OLFML2A: variants seen among roughly 807,000 people sequenced by gnomAD.
OLFML2A encodes olfactomedin like 2A, also known as olfactomedin-like protein 2A.
In OLFML2A, 47 loss-of-function variants were observed where a neutral mutation model predicts 60.9. That is an observed-to-expected ratio of 0.77 (90% CI 0.61 to 0.98). OLFML2A has a LOEUF of 0.98. Among genes scored for constraint, OLFML2A ranks in the 50% least tolerant of loss-of-function variants. The pLI is 0.00. For synonymous variants in OLFML2A, 372 were observed against 375.0 expected (o/e 0.99, Z 0.09); for missense variants, 922 against 879.8 (o/e 1.05, Z -0.61).
At position 124,777,361 on chromosome 9, in the gene OLFML2A, G is replaced by C; in HGVS notation, c.90+1G>C. 1 of 1,279,522 alleles carries C rather than the reference G, an allele frequency of 7.8e-7. No individual in the cohort carries two copies. The highest frequency in any genetic ancestry group is 9.9e-7 in the Non-Finnish European group (1 of 1,009,104). The allele number at this position is 1,279,522 out of a possible 1,614,324, so 79.3% of individuals were successfully genotyped here. A position where few individuals can be genotyped will look rare whatever the true frequency, so the allele number is the denominator to read the frequency against. On this transcript the variant is annotated splice_donor_variant, in intron 1 of 7. Transcript: ENST00000373580. LOFTEE classifies it high-confidence loss of function. This position sits in a 1 kb window ranked among gnomAD's most constrained non-coding sequence, Gnocchi z 6.2. ...CCGCCCCACGCGCGCCGACAGTAAG[G>C]TACGCACGCCCCTCGGACCCGCGCG...
intron 5 of OLFML2A, among the ~76,000 whole-genome samples, chr9:124,803,482 CT>C (rs1434141500): frequency 6.6e-6 from 1 of 152,134 alleles, no homozygotes; most frequent in Non-Finnish European, 1.5e-5. Context: ...CCAGGCTGGT[CT>C]TGAACTCCTG....
chr9:124,777,197 G>T lies in OLFML2A; in HGVS notation c.-74G>T. 2.0e-6 allele frequency: 1 copy of T among 510,128 alleles called. No individual in the cohort carries two copies. The highest frequency in any genetic ancestry group is 9.7e-5 in the South Asian group (1 of 10,354). The allele number at this position is 510,128 out of a possible 1,614,324, so 31.6% of individuals were successfully genotyped here. On this transcript the variant is annotated 5_prime_UTR_variant, in exon 1 of 8. Coordinates refer to ENST00000373580, the MANE Select transcript of OLFML2A (RefSeq NM_182487.4). This position sits in a 1 kb window ranked among gnomAD's most constrained non-coding sequence, Gnocchi z 6.2. ...CGGGGCAGGCAGAGCGGGCGAAGGC[G>T]CGGAGCTCGCAGTGCAGCCCGCGCT...
At position 124,812,162 on chromosome 9, in the gene OLFML2A, CTTT is replaced by C. The variant is rs111369507; in HGVS notation, c.*1763_*1765del. On this transcript the variant is annotated 3_prime_UTR_variant, in exon 8 of 8. Coordinates refer to ENST00000373580, the MANE Select transcript of OLFML2A (RefSeq NM_182487.4). ...AGAGTGTAAGAGTGTAAAGAAATGC[CTTT>C]TTTTTTTTTTTTGAGTTGGAGTTTT... The C allele has an allele frequency of 4.3e-5, 6 of 140,132 alleles. No homozygotes were observed. Among genetic ancestry groups the C allele is most frequent in the Admixed American group, 7.2e-5 (1 of 13,870 alleles). The allele number at this position is 140,132 out of a possible 1,614,324, so 8.7% of individuals were successfully genotyped here. A position where few individuals can be genotyped will look rare whatever the true frequency, so the allele number is the denominator to read the frequency against.
In OLFML2A at chr9:124,799,496, G is replaced by C; in HGVS notation, c.669+5G>C. ...GGCACTGGTAGCAAGGCCCAGGTGAGGCCCCAGCTCTGATCATGGGGCCGG... is the reference window on the plus strand; with the variant it reads ...GGCACTGGTAGCAAGGCCCAGGTGACGCCCCAGCTCTGATCATGGGGCCGG... On this transcript the variant is annotated splice_donor_5th_base_variant and intron_variant, in intron 4 of 7. Transcript: ENST00000373580. 6.3e-7 allele frequency: 1 copy of C among 1,580,170 alleles called. No homozygotes were observed. The highest frequency in any genetic ancestry group is 1.1e-5 in the South Asian group (1 of 87,112).
intron 1 of OLFML2A, among the ~76,000 whole-genome samples, chr9:124,786,220 C>G (rs1182657910): frequency 6.6e-6 from 1 of 152,100 alleles, no homozygotes; most frequent in Non-Finnish European, 1.5e-5. Context: ...CCCAGGAATT[C>G]AAGACTAGCC....
intron 2 of OLFML2A, among the ~76,000 whole-genome samples, chr9:124,794,331 G>A (rs995040048): frequency 4.6e-5 from 7 of 152,230 alleles, no homozygotes; most frequent in African/African-American, 1.4e-4. Context: ...AGTCACAGAT[G>A]CAGGCACATG....
At position 124,784,206 on chromosome 9, in the gene OLFML2A, T is replaced by C. The variant is rs557179164; in HGVS notation, c.91-2769T>C. ...GGTAGTTTTTTTCTTTTTTTTTTTT[T>C]CTTTTTTGTCTGAGACAGACAGAGT... On this transcript the variant is annotated intron_variant, in intron 1 of 7. Transcript: ENST00000373580. Among the ~76,000 whole-genome samples, 446 of 151,904 alleles carry C rather than the reference T, an allele frequency of 2.9e-3. 2 individuals carry two copies. The highest frequency in any genetic ancestry group is 0.01 in the African/African-American group (424 of 41,480).
rs1426375699 is a variant in OLFML2A at position 124,811,632 on chromosome 9, A to G, written c.*1220A>G. 1 of 152,214 alleles carries G rather than the reference A, an allele frequency of 6.6e-6. No homozygotes were observed. Among genetic ancestry groups the G allele is most frequent in the African/African-American group, 2.4e-5 (1 of 41,398 alleles). The allele number at this position is 152,214 out of a possible 1,614,324, so 9.4% of individuals were successfully genotyped here. ...AACCAGAGGGTGGGAACGGGGAGGG[A>G]AGAACTGAGGGTCTGCAGACTGGAC... is the stretch of plus-strand genomic sequence containing the variant. On this transcript the variant is annotated 3_prime_UTR_variant, in exon 8 of 8. Transcript: ENST00000373580.
intron 3 of OLFML2A, among the ~76,000 whole-genome samples, chr9:124,797,035 A>C (rs1841681860): frequency 6.6e-6 from 1 of 152,046 alleles, no homozygotes. Context: ...ACAGGGTCTC[A>C]CTCTGTAGGC....
chr9:124,806,999 A>G (rs1407375472), intron 6 of OLFML2A, among the ~76,000 whole-genome samples: 1 of 151,592 alleles, frequency 6.6e-6, no homozygotes, highest in Non-Finnish European at 1.5e-5. Flanking sequence ...CTGCAGCCTC[A>G]ATATCCCAGG....
At chr9:124,795,479 T>G (rs1841651802) in intron 3 of OLFML2A, among the ~76,000 whole-genome samples, 1 of 152,226 alleles carries the variant, frequency 6.6e-6, no homozygotes, top group Non-Finnish European at 1.5e-5. Flanking sequence ...CCTTGGTGGC[T>G]GGGCATGGTG....
intron 4 of OLFML2A, 48 bp downstream of exon 4, chr9:124,799,539 A>G (rs1216671751): frequency 6.8e-7 from 1 of 1,467,658 alleles, no homozygotes; most frequent in Non-Finnish European, 9.3e-7. Flanking sequence ...TGAACTTGGG[A>G]GCTCAGTGTG....
intron 6 of OLFML2A, 51 bp from the exon 7 acceptor site, chr9:124,807,730 T>C: frequency 6.8e-7 from 1 of 1,464,606 alleles, no homozygotes; most frequent in African/African-American, 1.4e-5. Context: ...TTGCTCTGGC[T>C]GGGGGGCTTG....
intron 2 of OLFML2A, among the ~76,000 whole-genome samples, chr9:124,792,750 T>G (rs1386108702): frequency 2.6e-5 from 4 of 152,230 alleles, no homozygotes; most frequent in African/African-American, 9.6e-5. Context: ...TCAGTGCTGC[T>G]GGGCTTCATG....
Position 124,794,909 on chromosome 9 carries a change from A to G in OLFML2A, c.355-115A>G. ...AGTGCTGGGATTACAGGCGTGAGCCACAGCGCCTGGCCCAGGTTCTGGAGT... is the reference window on the plus strand; with the variant it reads ...AGTGCTGGGATTACAGGCGTGAGCCGCAGCGCCTGGCCCAGGTTCTGGAGT... On this transcript the variant is annotated intron_variant, in intron 2 of 7. Coordinates refer to ENST00000373580, the MANE Select transcript of OLFML2A (RefSeq NM_182487.4). The G allele has an allele frequency of 6.4e-6, 4 of 624,540 alleles. 1 individual carries two copies. The South Asian group carries it at 8.1e-5, about 13-fold the overall frequency. The allele number at this position is 624,540 out of a possible 1,614,324, so 38.7% of individuals were successfully genotyped here. A position where few individuals can be genotyped will look rare whatever the true frequency, so the allele number is the denominator to read the frequency against.
intron 2 of OLFML2A, among the ~76,000 whole-genome samples, chr9:124,788,838 C>G (rs958303744): frequency 1.3e-5 from 2 of 152,204 alleles, no homozygotes; most frequent in Non-Finnish European, 2.9e-5. Context: ...GATTTGAACC[C>G]AGGTCCTCCT....
intron 2 of OLFML2A, 34 bp from the exon 3 acceptor site, chr9:124,794,989 CA>C (rs745684440): frequency 7.7e-7 from 1 of 1,302,854 alleles, no homozygotes; most frequent in Non-Finnish European, 1.1e-6. Context: ...CCATGTGCTG[CA>C]CTCTTTGCCT....
At chr9:124,802,815 G>T (rs565041889) in intron 5 of OLFML2A, among the ~76,000 whole-genome samples, 1 of 152,332 alleles carries the variant, frequency 6.6e-6, no homozygotes, top group African/African-American at 2.4e-5. Context: ...CAAGTCAAGG[G>T]TTCTCTGAGC....
intron 7 of OLFML2A, among the ~76,000 whole-genome samples, 186 bp from the exon 8 acceptor site, chr9:124,809,622 G>A (rs1459433959): frequency 6.6e-6 from 1 of 151,908 alleles, no homozygotes; most frequent in East Asian, 1.9e-4. Context: ...AAGCAGATGG[G>A]ATGACGATAG....
Sources: gnomAD v4.1 joint callset for allele counts (sites outside exome capture counted in the v4.1 genomes callset) on GRCh38, gnomAD v4.1.1 for gene constraint, Gnocchi (gnomAD v3.1) non-coding constraint, MANE v1.5 for transcripts, NCBI Gene and HGNC (gene_info 2026-07-23, HGNC 2026-07-21) for gene names.